The following PCNT variants were observed in gnomAD, a reference collection of about 807,000 sequenced individuals.
The protein encoded by PCNT is pericentrin.
Under a neutral mutation model 380.4 loss-of-function variants are expected in PCNT, and 319 were observed. The ratio of observed to expected loss-of-function variants is 0.84; its 90% confidence interval spans 0.77 to 0.92. The LOEUF (loss-of-function observed/expected upper bound fraction) is 0.92. Ranked by LOEUF, PCNT falls within the 40% of genes least tolerant of loss-of-function variation. The pLI is 0.00. For synonymous variants in PCNT, 1,845 were observed against 1,735.2 expected (o/e 1.06, Z -1.57); for missense variants, 4,400 against 4,255.3 (o/e 1.03, Z -0.95).
chr21:46,335,694 T>G (rs1331294260), intron 3 of PCNT, among the ~76,000 whole-genome samples: 1 of 147,404 alleles, frequency 6.8e-6, no homozygotes, highest in East Asian at 1.9e-4. Context: ...TTGGGGTTTT[T>G]TTTTTTTTTT....
Position 46,418,209 on chromosome 21 carries a change from A to G in PCNT, c.6927A>G (p.Lys2309=), listed in dbSNP as rs2839246. 0.088 allele frequency: 138,139 copies of G among 1,570,046 alleles called. 11,429 individuals carry two copies. Among genetic ancestry groups the G allele is most frequent in the African/African-American group, 0.44 (32,121 of 73,126 alleles). Residue 2309 remains lysine, a synonymous_variant, in exon 31 of 47, where the codon AAA becomes AAG. Transcript: ENST00000359568. ...DHHVQRTAVE[K]DVEDFITTSF... The stretch of plus-strand genomic sequence containing the variant: ...ATTTAAAAATCTCTTAACAGGAGAA[A>G]GATGTCGAAGATTTTATCACAACAT...
chr21:46,392,648 G>A (rs565327493), intron 21 of PCNT, among the ~76,000 whole-genome samples: 1 of 152,210 alleles, frequency 6.6e-6, no homozygotes, highest in Non-Finnish European at 1.5e-5. Flanking sequence ...TGTGGTGCTC[G>A]TGTTGACATC....
intron 15 of PCNT, among the ~76,000 whole-genome samples, chr21:46,375,407 G>A (rs1444690406): frequency 6.6e-6 from 1 of 152,176 alleles, no homozygotes; most frequent in East Asian, 1.9e-4. Context: ...CTCTGTGCAT[G>A]CCACTTACTT....
chr21:46,333,493 G>C (rs772241950), intron 2 of PCNT, among the ~76,000 whole-genome samples: 52 of 151,984 alleles, frequency 3.4e-4, no homozygotes, highest in Non-Finnish European at 5.6e-4. Flanking sequence ...TGTAGTCCCA[G>C]CTACTCGGGA....
At chr21:46,398,618 G>A (rs1449005668) in intron 24 of PCNT, among the ~76,000 whole-genome samples, 4 of 152,088 alleles carry the variant, frequency 2.6e-5, no homozygotes, top group Non-Finnish European at 5.9e-5. Context: ...CCATGCCGCC[G>A]TCCTTTCTCG....
chr21:46,425,750 C>T lies in PCNT; in HGVS notation c.7180-81C>T. The T allele has an allele frequency of 1.3e-6, 2 of 1,597,190 alleles. No individual in the cohort carries two copies. The highest frequency in any genetic ancestry group is 1.7e-6 in the Non-Finnish European group (2 of 1,171,054). On this transcript the variant is annotated intron_variant, in intron 32 of 46. Coordinates refer to ENST00000359568, the MANE Select transcript of PCNT (RefSeq NM_006031.6). This position sits in a 1 kb window ranked among gnomAD's most constrained non-coding sequence, Gnocchi z 4.2. ...CCCGCCCTTCACAGAGTCCTGGCGG[C>T]AGCTCGGGGCCGCAGGTGGTGTAGA...
At chr21:46,351,286 G>T (rs921774519) in intron 8 of PCNT, 143 bp from the exon 9 acceptor site, 6 of 707,156 alleles carry the variant, frequency 8.5e-6, no homozygotes, top group Non-Finnish European at 1.6e-5. Flanking sequence ...CTCTGCTGTG[G>T]CTGGCTTTCT....
intron 19 of PCNT, 63 bp from the exon 20 acceptor site, chr21:46,390,607 G>C: frequency 6.4e-7 from 1 of 1,570,390 alleles, no homozygotes; most frequent in South Asian, 1.1e-5. Flanking sequence ...CGTTCTCTTG[G>C]TCTTAATGTA....
In PCNT at chr21:46,362,156, C is replaced by T. The variant is rs753464616; in HGVS notation, c.2155-1324C>T. On this transcript the variant is annotated intron_variant, in intron 13 of 46. Transcript: ENST00000359568. ...TTAATTCAGTTCTTGTAGCTTTAGC[C>T]GGCTTGCTTGCTTTTGGAGTCTGCC... Among the ~76,000 whole-genome samples, 98 of 152,156 alleles carry T rather than the reference C, an allele frequency of 6.4e-4. 1 individual carries two copies. Among genetic ancestry groups the T allele is most frequent in the Non-Finnish European group, 1.1e-3 (74 of 68,036 alleles).
chr21:46,410,003 C>T (rs549048728), intron 27 of PCNT, among the ~76,000 whole-genome samples: 2 of 152,240 alleles, frequency 1.3e-5, no homozygotes, highest in South Asian at 4.1e-4. Flanking sequence ...GTCTTCAGTG[C>T]GCACCCCTTG....
intron 3 of PCNT, among the ~76,000 whole-genome samples, chr21:46,339,982 A>G (rs1423415445): frequency 6.6e-6 from 1 of 152,102 alleles, no homozygotes; most frequent in Non-Finnish European, 1.5e-5. Context: ...GTTCTCTTGC[A>G]TACCGTATTT....
At chr21:46,349,895 C>T (rs967391647) in intron 8 of PCNT, 75 bp downstream of exon 8, 55 of 1,374,490 alleles carry the variant, frequency 4.0e-5, no homozygotes, top group African/African-American at 4.3e-5. Flanking sequence ...TGGGCTATTT[C>T]GTATTGTGTT....
intron 3 of PCNT, among the ~76,000 whole-genome samples, chr21:46,345,038 T>G (rs1330203717): frequency 6.6e-6 from 1 of 152,216 alleles, no homozygotes; most frequent in Non-Finnish European, 1.5e-5. Context: ...TCTTTAAAGT[T>G]TGTGTCTCTA....
rs780591852 is a variant in PCNT at position 46,367,158 on chromosome 21, G to A, written c.3165+19G>A. ...GCACCAGGTAAGGCGCCAGGGCCCT[G>A]CCCCAGCCCAGGGCAGGCCTCTCCT... is the stretch of plus-strand genomic sequence containing the variant. On this transcript the variant is annotated intron_variant, in intron 15 of 46. Coordinates refer to ENST00000359568, the MANE Select transcript of PCNT (RefSeq NM_006031.6). 1.2e-6 allele frequency: 2 copies of A among 1,606,492 alleles called. No individual in the cohort carries two copies. Among genetic ancestry groups the A allele is most frequent in the Non-Finnish European group, 8.5e-7 (1 of 1,177,614 alleles).
At chr21:46,365,018 C>T (rs2084849518) in intron 14 of PCNT, among the ~76,000 whole-genome samples, 1 of 152,260 alleles carries the variant, frequency 6.6e-6, no homozygotes, top group Non-Finnish European at 1.5e-5. Context: ...CTTTGGCCTC[C>T]TGATGGGAGC....
At chr21:46,445,239 G>T in intron 46 of PCNT, 45 bp from the exon 47 acceptor site, 1 of 1,360,476 alleles carries the variant, frequency 7.4e-7, no homozygotes, top group Non-Finnish European at 1.1e-6. Context: ...AAAAATCTGT[G>T]AAGCCTTGTA....
chr21:46,433,291 G>A (rs951341081), intron 38 of PCNT, among the ~76,000 whole-genome samples: 2 of 152,250 alleles, frequency 1.3e-5, no homozygotes, highest in African/African-American at 2.4e-5. Flanking sequence ...GCTGGGGCAG[G>A]AGAATTGCTT....
In PCNT at chr21:46,398,243, G is replaced by A. The variant is rs116431741; in HGVS notation, c.4572G>A (p.Pro1524=). ...PWGPRDSQQA[P]LDGEVELLQQ... is the part of the protein sequence containing the mutation. ...GTACATGAAATCGGCAGCAGGCGCC[G>A]CTGGATGGAGAGGTGAGGAGGCGTC... Residue 1524 remains proline, a synonymous_variant, in exon 24 of 47, where the codon CCG becomes CCA. Coordinates refer to ENST00000359568, the MANE Select transcript of PCNT (RefSeq NM_006031.6). 1.5e-3 allele frequency: 2,407 copies of A among 1,606,806 alleles called. 31 individuals carry two copies. In the African/African-American group the frequency reaches 0.027, roughly 18 times the overall value.
chr21:46,444,993 A>G (rs1411797641), intron 46 of PCNT, among the ~76,000 whole-genome samples, 172 bp downstream of exon 46: 1 of 152,200 alleles, frequency 6.6e-6, no homozygotes, highest in African/African-American at 2.4e-5. Flanking sequence ...ATCTCACAGA[A>G]GTCTAAGCCA....
Sources: gnomAD v4.1 joint callset for allele counts (sites outside exome capture counted in the v4.1 genomes callset) on GRCh38, gnomAD v4.1.1 for gene constraint, Gnocchi (gnomAD v3.1) non-coding constraint, MANE v1.5 for transcripts, NCBI Gene and HGNC (gene_info 2026-07-23, HGNC 2026-07-21) for gene names.